CYLD: variants seen among roughly 807,000 people sequenced by gnomAD.
The protein encoded by CYLD is CYLD lysine 63 deubiquitinase, also known as ubiquitin carboxyl-terminal hydrolase CYLD.
In CYLD, 26 loss-of-function variants were observed where a neutral mutation model predicts 104.5. The ratio of observed to expected loss-of-function variants is 0.25; its 90% CI spans 0.18 to 0.35. The LOEUF is 0.35. Among genes scored for constraint, CYLD ranks in the 10% least tolerant of loss-of-function variants. The pLI is 1.00. For missense variants in CYLD, 703 were observed against 1,136.1 expected (o/e 0.62, Z 5.48); for synonymous variants, 385 against 399.9 (o/e 0.96, Z 0.45).
chr16:50,751,458 C>T (rs1196992787), intron 3 of CYLD, 146 bp from the exon 4 acceptor site: 4 of 586,938 alleles, frequency 6.8e-6, no homozygotes, highest in Non-Finnish European at 1.2e-5. Flanking sequence ...CTAAATCCAA[C>T]AGAAACTGCT....
At position 50,749,717 on chromosome 16, in the gene CYLD, A is replaced by G; in HGVS notation, c.19A>G (p.Ser7Gly). 2 of 1,613,742 alleles carry G rather than the reference A, an allele frequency of 1.2e-6. No homozygotes were observed. Among genetic ancestry groups the G allele is most frequent in the Non-Finnish European group, 1.7e-6 (2 of 1,179,978 alleles). ...TATCACAATGAGTTCAGGCTTATGG[A>G]GCCAAGAAAAAGTCACTTCACCCTA... The part of the protein sequence containing the change: MSSGLW[S>G]QEKVTSPYWE... The change falls in exon 3 of 19, where the codon AGC becomes GGC. Residue 7 changes from serine (S) to glycine (G), a missense_variant. This residue lies in a region of CYLD where 142 missense variants were observed against 165.1 expected (regional missense o/e 0.86). Coordinates refer to ENST00000427738, the MANE Select transcript of CYLD (RefSeq NM_001378743.1).
intron 4 of CYLD, among the ~76,000 whole-genome samples, chr16:50,752,244 A>T (rs369852326): frequency 2.7e-5 from 4 of 147,070 alleles, no homozygotes; most frequent in African/African-American, 7.4e-5. Flanking sequence ...AATTTGCCTT[A>T]TTGTAGCTGA....
At chr16:50,764,078 A>G (rs958014032) in intron 5 of CYLD, among the ~76,000 whole-genome samples, 6 of 152,136 alleles carry the variant, frequency 3.9e-5, no homozygotes, top group East Asian at 1.9e-4. Context: ...CTCATGATTC[A>G]TACTTTGCTT....
chr16:50,766,639 A>G (rs150871824), intron 5 of CYLD, among the ~76,000 whole-genome samples: 2,680 of 152,336 alleles, frequency 0.018, 43 homozygotes, highest in Non-Finnish European at 0.025. Flanking sequence ...CATCAAGAAC[A>G]TTCATGATTT....
chr16:50,748,363 T>C (rs1966367132), intron 2 of CYLD, among the ~76,000 whole-genome samples: 1 of 152,156 alleles, frequency 6.6e-6, no homozygotes, highest in African/African-American at 2.4e-5. Context: ...GCCTACTTCA[T>C]TGGAAAGATT....
At chr16:50,786,699 G>T (rs1036579144) in intron 12 of CYLD, 156 bp from the exon 13 acceptor site, 2 of 592,032 alleles carry the variant, frequency 3.4e-6, no homozygotes, top group African/African-American at 3.8e-5. Context: ...GGCGGAGGTT[G>T]CAGTGAGCTG....
chr16:50,770,586 G>T (rs1969039305), intron 5 of CYLD, among the ~76,000 whole-genome samples: 1 of 151,872 alleles, frequency 6.6e-6, no homozygotes, highest in East Asian at 1.9e-4. Context: ...AAGTAGCTGG[G>T]ATTACAGGTG....
In CYLD at chr16:50,793,605, G is replaced by T. The variant is rs780529514; in HGVS notation, c.2410G>T (p.Asp804Tyr). 1.2e-6 allele frequency: 2 copies of T among 1,614,044 alleles called. No homozygotes were observed. Among genetic ancestry groups the T allele is most frequent in the African/African-American group, 1.3e-5 (1 of 75,032 alleles). The change falls in exon 17 of 19, where the codon GAC (aspartate) becomes TAC (tyrosine). Residue 804 changes from aspartate to tyrosine, a missense_variant. By Grantham distance (160) the Asp-to-Tyr change is radical. This residue lies in a region of CYLD where 130 missense variants were observed against 220.2 expected (regional missense o/e 0.59). Coordinates refer to ENST00000427738, the MANE Select transcript of CYLD (RefSeq NM_001378743.1). ...AATGTATGAGTGTAGAGAATGCTAC[G>T]ACGATCCGGACATCTCAGCTGGAAA... ...LAMYECRECY[D>Y]DPDISAGKIK...
At chr16:50,770,347 A>G (rs1485586300) in intron 5 of CYLD, among the ~76,000 whole-genome samples, 1 of 151,782 alleles carries the variant, frequency 6.6e-6, no homozygotes, top group African/African-American at 2.4e-5. Flanking sequence ...AGAGATTTGT[A>G]GTTGTATTTC....
At chr16:50,766,088 G>T (rs1968484634) in intron 5 of CYLD, among the ~76,000 whole-genome samples, 1 of 152,208 alleles carries the variant, frequency 6.6e-6, no homozygotes. Flanking sequence ...ATTGGAAGAA[G>T]ATACCATCTA....
chr16:50,763,496 T>G (rs1968176595), intron 5 of CYLD, among the ~76,000 whole-genome samples: 1 of 152,184 alleles, frequency 6.6e-6, no homozygotes, highest in Non-Finnish European at 1.5e-5. Context: ...TAGCAGTGTG[T>G]AAGCGTTTTG....
chr16:50,783,778 A>G (rs1970524178), intron 11 of CYLD: 2 of 159,888 alleles, frequency 1.3e-5, no homozygotes, highest in South Asian at 3.5e-4. Context: ...ACCTCAGGTG[A>G]TTCACCCGTC....
At chr16:50,793,754 T>TA in intron 17 of CYLD, 90 bp downstream of exon 17, 1 of 901,664 alleles carries the variant, frequency 1.1e-6, no homozygotes, top group Non-Finnish European at 1.9e-6. Context: ...GAAAGTTTTT[T>TA]AAAATCATAA....
At chr16:50,780,371 C>T (rs1463660841) in intron 9 of CYLD, among the ~76,000 whole-genome samples, 2 of 152,174 alleles carry the variant, frequency 1.3e-5, no homozygotes, top group Admixed American at 6.5e-5. Flanking sequence ...TTCCCCTGGT[C>T]AGTTCTAATA....
intron 11 of CYLD, among the ~76,000 whole-genome samples, chr16:50,782,916 A>ATTTTTTTTTTT (rs386384680): frequency 1.1e-5 from 1 of 87,706 alleles, no homozygotes; most frequent in Admixed American, 1.5e-4. Context: ...ACAACTTAAG[A>ATTTTTTTTTTT]TTTTTTTTTT....
At chr16:50,778,081 A>G (rs1185794383) in intron 8 of CYLD, 140 bp downstream of exon 8, 1 of 633,214 alleles carries the variant, frequency 1.6e-6, no homozygotes, top group Non-Finnish European at 2.9e-6. Context: ...GAACTAAAAT[A>G]TTGTACACAG....
intron 5 of CYLD, among the ~76,000 whole-genome samples, chr16:50,758,004 C>T (rs144708655): frequency 3.7e-4 from 57 of 152,164 alleles, no homozygotes; most frequent in Middle Eastern, 3.4e-3. Context: ...TAGTAGGAAG[C>T]AAAACTGGTA....
In CYLD at chr16:50,779,249, ATTCT is replaced by A. The variant is rs1309617241; in HGVS notation, c.1139-405_1139-402del. Among the ~76,000 whole-genome samples, 26 of 152,196 alleles carry A rather than the reference ATTCT, an allele frequency of 1.7e-4. 1 individual carries two copies. The highest frequency in any genetic ancestry group is 1.4e-3 in the Admixed American group (22 of 15,286). ...ATTAATTTAGCCATGTTTCACAAGG[ATTCT>A]TTCTTTCTTTGTTACTTTTTCTCTC... is the stretch of plus-strand genomic sequence containing the variant. On this transcript the variant is annotated intron_variant, in intron 8 of 18. Transcript: ENST00000427738.
At chr16:50,777,642 T>C (rs1969819411) in intron 7 of CYLD, among the ~76,000 whole-genome samples, 183 bp from the exon 8 acceptor site, 1 of 152,124 alleles carries the variant, frequency 6.6e-6, no homozygotes, top group African/African-American at 2.4e-5. Context: ...TTTTTAATAT[T>C]GTCAAAATGG....
Sources: allele counts gnomAD v4.1 joint callset (sites outside exome capture counted in the v4.1 genomes callset), GRCh38; gene constraint gnomAD v4.1.1; regional missense constraint gnomAD v4.1.1; transcripts MANE v1.5; gene names NCBI Gene and HGNC (gene_info 2026-07-23, HGNC 2026-07-21).